Variants in WNT7A observed in about 807,000 individuals in gnomAD.
WNT7A encodes the protein Wnt family member 7A.
A neutral mutation model predicts 28.2 loss-of-function variants in WNT7A; 16 were observed. That is an observed-to-expected ratio of 0.57 (90% CI 0.38 to 0.86). The LOEUF (loss-of-function observed/expected upper bound fraction) is 0.86. Among genes scored for constraint, WNT7A ranks in the 40% least tolerant of loss-of-function variants. The pLI, the probability that WNT7A is intolerant of heterozygous loss-of-function variation, is 0.00. For synonymous variants in WNT7A, 190 were observed against 195.9 expected, an observed-to-expected ratio of 0.97 and a Z score of 0.25; for missense variants, 411 against 489.7, an observed-to-expected ratio of 0.84 and a Z score of 1.52.
chr3:13,825,850 C>T lies in WNT7A; in HGVS notation c.571-6427G>A, dbSNP rs57919482. 6.6e-3 allele frequency among the ~76,000 whole-genome samples: 1,003 copies of T among 152,348 alleles called. 9 individuals are homozygous for T. The highest frequency in any genetic ancestry group is 0.023 in the African/African-American group (941 of 41,590). On this transcript the variant is annotated intron_variant, in intron 3 of 3. Transcript: ENST00000285018. ...CCTCTATCTGCCCAAGCCTGCTCCT[C>T]CTCTTCCCCTTTATTCCTTTATACA...
chr3:13,830,564 C>G (rs1694265864), intron 3 of WNT7A, among the ~76,000 whole-genome samples: 1 of 152,188 alleles, frequency 6.6e-6, no homozygotes, highest in Non-Finnish European at 1.5e-5. Flanking sequence ...CCTTGCCCTC[C>G]AGCTTCCCAG....
rs1288213282 is a variant in WNT7A at position 13,854,708 on chromosome 3, C to T, written c.394G>A (p.Gly132Ser). 2 of 1,614,160 alleles carry T rather than the reference C, an allele frequency of 1.2e-6. No individual in the cohort carries two copies. The highest frequency in any genetic ancestry group is 1.1e-5 in the South Asian group (1 of 91,092). Residue 132 changes from glycine to serine, a missense_variant, in exon 3 of 4, where the codon GGC (glycine) becomes AGC (serine). Physicochemically the swap from Gly to Ser is moderately conservative, Grantham distance 56. Transcript: ENST00000285018. ...ACTQGNLSDC[G>S]CDKEKQGQYH... ...TGGCCTTGCTTCTCTTTGTCGCAGC[C>T]ACAGTCGCTCAGGTTGCCCTGGGTA...
At chr3:13,824,514 G>A (rs1389862978) in intron 3 of WNT7A, among the ~76,000 whole-genome samples, 1 of 152,222 alleles carries the variant, frequency 6.6e-6, no homozygotes, top group African/African-American at 2.4e-5. Context: ...TCATTGGACA[G>A]TGGTCTCTTT....
intron 3 of WNT7A, among the ~76,000 whole-genome samples, chr3:13,846,777 C>T (rs897463961): frequency 6.6e-6 from 1 of 152,162 alleles, no homozygotes; most frequent in Non-Finnish European, 1.5e-5. Context: ...TCAGGGACTG[C>T]AGGATGGTGA....
At chr3:13,842,277 G>A (rs1357390419) in intron 3 of WNT7A, among the ~76,000 whole-genome samples, 1 of 152,066 alleles carries the variant, frequency 6.6e-6, no homozygotes, top group Non-Finnish European at 1.5e-5. Context: ...TAAGGGGACT[G>A]TCGTGCCACT....
intron 2 of WNT7A, among the ~76,000 whole-genome samples, chr3:13,868,154 G>T (rs761164682): frequency 5.9e-5 from 9 of 152,134 alleles, no homozygotes; most frequent in Non-Finnish European, 1.0e-4. Context: ...AAACGTGGAT[G>T]ACAAGTTGTG....
chr3:13,870,256 G>C (rs1695010205), intron 2 of WNT7A, among the ~76,000 whole-genome samples: 1 of 152,160 alleles, frequency 6.6e-6, no homozygotes, highest in South Asian at 2.1e-4. Context: ...GTTAGTGTGG[G>C]CCCTAATCCT....
Position 13,822,205 on chromosome 3 carries a change from A to T in WNT7A, c.571-2782T>A, listed in dbSNP as rs1053378960. Among the ~76,000 whole-genome samples the T allele has an allele frequency of 1.3e-5, 2 of 152,374 alleles. 1 individual carries two copies. The highest frequency in any genetic ancestry group is 1.3e-4 in the Admixed American group (2 of 15,302). ...CAGAATGTTAGACACAGAATGTGTGACTCAACAATTCCACCCCTAGGCGTA... is the reference window on the plus strand; with the variant it reads ...CAGAATGTTAGACACAGAATGTGTGTCTCAACAATTCCACCCCTAGGCGTA... On this transcript the variant is annotated intron_variant, in intron 3 of 3. Coordinates refer to ENST00000285018, the MANE Select transcript of WNT7A (RefSeq NM_004625.4).
At chr3:13,842,380 A>C (rs1466446044) in intron 3 of WNT7A, among the ~76,000 whole-genome samples, 1 of 151,510 alleles carries the variant, frequency 6.6e-6, no homozygotes, top group Non-Finnish European at 1.5e-5. Context: ...AACCTGGGGT[A>C]AGGGGACCGT....
chr3:13,856,896 G>GAAGAAGAAGAAGAAGAAGAAA (rs1559303199), intron 2 of WNT7A, among the ~76,000 whole-genome samples: 61 of 33,586 alleles, frequency 1.8e-3, no homozygotes, highest in Non-Finnish European at 2.7e-3. Context: ...AGAAGAAAAA[G>GAAGAAGAAGAAGAAGAAGAAA]AAGAAGAAGA....
chr3:13,844,121 G>A (rs1352589824), intron 3 of WNT7A, among the ~76,000 whole-genome samples: 1 of 152,166 alleles, frequency 6.6e-6, no homozygotes, highest in East Asian at 1.9e-4. Flanking sequence ...ACAATTGAGA[G>A]CTAAGAAGAG....
chr3:13,856,893 A>AGG (rs1694742693), intron 2 of WNT7A, among the ~76,000 whole-genome samples: 3 of 73,290 alleles, frequency 4.1e-5, no homozygotes, highest in African/African-American at 2.0e-4. Flanking sequence ...AGAAGAAGAA[A>AGG]AAGAAGAAGA....
chr3:13,817,957 G>A lies in WNT7A; in HGVS notation c.*987C>T, dbSNP rs1361728169. 1 of 152,186 alleles carries A rather than the reference G, an allele frequency of 6.6e-6. No individual in the cohort carries two copies. The highest frequency in any genetic ancestry group is 1.9e-4 in the East Asian group (1 of 5,178). 9.4% of individuals were successfully genotyped at this position (152,186 alleles called of 1,614,324 possible). ...AACCCCAGGCATCCAGGGGCAGCTT[G>A]TGCCCACTTGGCAAACAGAACTCAA... On this transcript the variant is annotated 3_prime_UTR_variant, in exon 4 of 4. Transcript: ENST00000285018.
chr3:13,854,446 A>G (rs947781308), intron 3 of WNT7A, 86 bp downstream of exon 3: 1 of 1,604,030 alleles, frequency 6.2e-7, no homozygotes, highest in Non-Finnish European at 8.5e-7. Context: ...TGGCTCCTCA[A>G]CAGACACCCA....
intron 3 of WNT7A, among the ~76,000 whole-genome samples, chr3:13,833,831 C>G (rs10510424): frequency 0.31 from 47,209 of 152,150 alleles, 7,448 homozygotes; most frequent in South Asian, 0.45. Flanking sequence ...CCTTGGCAGT[C>G]AGTCATACAT....
At chr3:13,826,563 G>T (rs977629639) in intron 3 of WNT7A, among the ~76,000 whole-genome samples, 2 of 152,126 alleles carry the variant, frequency 1.3e-5, no homozygotes, top group Non-Finnish European at 2.9e-5. Context: ...TTTCAGGCAT[G>T]GTGAGTGGCC....
intron 3 of WNT7A, among the ~76,000 whole-genome samples, chr3:13,847,169 C>G (rs1294343297): frequency 2.6e-5 from 4 of 152,214 alleles, no homozygotes; most frequent in Non-Finnish European, 5.9e-5. Flanking sequence ...TCCGCCCCAG[C>G]CTGGGCTGGT....
intron 3 of WNT7A, among the ~76,000 whole-genome samples, chr3:13,842,112 G>C (rs553138282): frequency 1.1e-3 from 169 of 152,248 alleles, no homozygotes; most frequent in African/African-American, 3.9e-3. Flanking sequence ...CACCGTGAAG[G>C]CTTCTGTGTC....
intron 1 of WNT7A, among the ~76,000 whole-genome samples, chr3:13,878,054 T>C (rs1836061): frequency 0.79 from 119,943 of 152,082 alleles, 48,430 homozygotes; most frequent in East Asian, 1. Context: ...CTCCCACCTC[T>C]CCGACCTGGA....
Sources: allele counts gnomAD v4.1 joint callset (sites outside exome capture counted in the v4.1 genomes callset), GRCh38; gene constraint gnomAD v4.1.1; transcripts MANE v1.5; gene names NCBI Gene and HGNC (gene_info 2026-07-23, HGNC 2026-07-21).